Variants in GPR158 observed in about 807,000 individuals in gnomAD.
GPR158 encodes the protein G protein-coupled receptor 158, also known as metabotropic glycine receptor.
GPR158 carries 30 observed loss-of-function variants against 78.2 expected under a neutral mutation model. The observed-to-expected ratio is 0.38, with a 90% CI of 0.29 to 0.52. The LOEUF is 0.52. Among genes scored for constraint, GPR158 ranks in the 20% least tolerant of loss-of-function variants. The probability of loss-of-function intolerance (pLI) is 0.83; values close to 1 mark genes in which losing one functional copy is unlikely to be tolerated. For missense variants in GPR158, 1,463 were observed against 1,523.5 expected (o/e 0.96, Z 0.66); for synonymous variants, 581 against 591.1 (o/e 0.98, Z 0.25).
At chr10:25,333,463 T>G (rs1228666196) in intron 2 of GPR158, among the ~76,000 whole-genome samples, 1 of 152,154 alleles carries the variant, frequency 6.6e-6, no homozygotes, top group Admixed American at 6.6e-5. Context: ...ATGTGAACTT[T>G]AGAAGAGTTT....
intron 4 of GPR158, among the ~76,000 whole-genome samples, chr10:25,424,411 G>T (rs1415987624): frequency 2.6e-5 from 4 of 151,880 alleles, no homozygotes; most frequent in African/African-American, 7.3e-5. Flanking sequence ...GTCAATTTTG[G>T]CTTTTGTTGC....
chr10:25,433,809 C>T (rs957775710), intron 4 of GPR158, among the ~76,000 whole-genome samples: 1 of 147,304 alleles, frequency 6.8e-6, no homozygotes, highest in Non-Finnish European at 1.5e-5. Context: ...CTGGTTATTA[C>T]AGACCTGAGC....
intron 2 of GPR158, among the ~76,000 whole-genome samples, chr10:25,352,883 G>T (rs1264268624): frequency 6.6e-6 from 1 of 151,834 alleles, no homozygotes; most frequent in East Asian, 1.9e-4. Context: ...ATTCAGCATG[G>T]TCATTTTAAC....
At chr10:25,341,022 T>G (rs1855295900) in intron 2 of GPR158, among the ~76,000 whole-genome samples, 1 of 152,028 alleles carries the variant, frequency 6.6e-6, no homozygotes, top group Non-Finnish European at 1.5e-5. Context: ...GACTTTCTGT[T>G]AGATAGGATG....
intron 7 of GPR158, among the ~76,000 whole-genome samples, chr10:25,575,615 A>G (rs73610307): frequency 0.043 from 6,485 of 152,232 alleles, 137 homozygotes; most frequent in African/African-American, 0.06. Context: ...CCACGGAGGG[A>G]GTCAGATGAA....
At chr10:25,587,309 A>G (rs1837281458) in intron 7 of GPR158, among the ~76,000 whole-genome samples, 1 of 152,216 alleles carries the variant, frequency 6.6e-6, no homozygotes, top group Non-Finnish European at 1.5e-5. Flanking sequence ...TTTTTATTCA[A>G]AGAAACCACA....
intron 2 of GPR158, among the ~76,000 whole-genome samples, chr10:25,359,519 T>C (rs1855600318): frequency 6.6e-6 from 1 of 152,118 alleles, no homozygotes; most frequent in African/African-American, 2.4e-5. Flanking sequence ...GTGGTTTTTC[T>C]CTTCCTGTGT....
rs542349020 is a variant in GPR158 at position 25,332,844 on chromosome 10, A to G, written c.1009-63067A>G. On this transcript the variant is annotated intron_variant, in intron 2 of 10. Coordinates refer to ENST00000376351, the MANE Select transcript of GPR158 (RefSeq NM_020752.3). Reference sequence around the variant, plus strand: ...TGTTTACCACTAAGGAAAGATAGTTATTCTCCATGTTATAAATGGCTTCAA... The same window carrying G: ...TGTTTACCACTAAGGAAAGATAGTTGTTCTCCATGTTATAAATGGCTTCAA... Among the ~76,000 whole-genome samples, 12 of 152,328 alleles carry G rather than the reference A, an allele frequency of 7.9e-5. No homozygotes were observed. The South Asian group carries it at 2.5e-3, about 32-fold the overall frequency.
intron 5 of GPR158, among the ~76,000 whole-genome samples, chr10:25,548,352 G>T (rs1836690084): frequency 6.6e-6 from 1 of 152,122 alleles, no homozygotes; most frequent in African/African-American, 2.4e-5. Flanking sequence ...GATCAGAAAA[G>T]AATTTGTTGA....
Position 25,313,915 on chromosome 10 carries a change from G to C in GPR158, c.1009-81996G>C, listed in dbSNP as rs138117563. Among the ~76,000 whole-genome samples the C allele has an allele frequency of 5.4e-3, 826 of 152,202 alleles. 5 individuals carry two copies. The highest frequency in any genetic ancestry group is 0.019 in the African/African-American group (778 of 41,532). On this transcript the variant is annotated intron_variant, in intron 2 of 10. Coordinates refer to ENST00000376351, the MANE Select transcript of GPR158 (RefSeq NM_020752.3). ...ATTTAGGTAGCATTGGGATGATCCG[G>C]TCTTTAAAGGTTTGGTGTAATTATC... is the stretch of plus-strand genomic sequence containing the variant.
chr10:25,260,054 C>T (rs866394355), intron 2 of GPR158, among the ~76,000 whole-genome samples: 1 of 152,040 alleles, frequency 6.6e-6, no homozygotes, highest in Non-Finnish European at 1.5e-5. Flanking sequence ...CTGACTACAA[C>T]CTCTAGTACA....
intron 5 of GPR158, among the ~76,000 whole-genome samples, chr10:25,523,792 A>G (rs1020870570): frequency 2.0e-5 from 3 of 152,206 alleles, no homozygotes; most frequent in African/African-American, 7.2e-5. Flanking sequence ...TACAACTTCT[A>G]TTCAACATTG....
At chr10:25,576,578 GAGAT>G (rs1197773967) in intron 7 of GPR158, among the ~76,000 whole-genome samples, 3 of 152,128 alleles carry the variant, frequency 2.0e-5, no homozygotes, top group Non-Finnish European at 4.4e-5. Context: ...TGACGACCCT[GAGAT>G]AGATAGTGCA....
chr10:25,601,531 G>A lies in GPR158; in HGVS notation c.*2257G>A, dbSNP rs1837498020. Reference sequence around the variant, plus strand: ...ATCAGTGACTTTCTATTGCACTTCAGGATTGATCCTGCTAGAGATGTGAGT... The same window carrying A: ...ATCAGTGACTTTCTATTGCACTTCAAGATTGATCCTGCTAGAGATGTGAGT... On this transcript the variant is annotated 3_prime_UTR_variant, in exon 11 of 11. Transcript: ENST00000376351. The A allele has an allele frequency of 1.3e-5, 2 of 152,498 alleles. No individual in the cohort carries two copies. The highest frequency in any genetic ancestry group is 4.8e-5 in the African/African-American group (2 of 41,416). 9.4% of individuals were successfully genotyped at this position (152,498 alleles called of 1,614,324 possible). A position where few individuals can be genotyped will look rare whatever the true frequency, so the allele number is the denominator to read the frequency against.
At chr10:25,372,781 C>T (rs1204970730) in intron 2 of GPR158, among the ~76,000 whole-genome samples, 2 of 150,920 alleles carry the variant, frequency 1.3e-5, no homozygotes, top group East Asian at 3.9e-4. Flanking sequence ...GTGGGTGCAG[C>T]AAACAAGCAT....
intron 5 of GPR158, among the ~76,000 whole-genome samples, chr10:25,482,382 T>C (rs1300792507): frequency 6.6e-6 from 1 of 152,088 alleles, no homozygotes; most frequent in African/African-American, 2.4e-5. Context: ...GAAGTCTTGC[T>C]GTATTGGCCA....
intron 2 of GPR158, among the ~76,000 whole-genome samples, chr10:25,234,502 T>C (rs953418954): frequency 2.6e-5 from 4 of 152,246 alleles, no homozygotes; most frequent in Admixed American, 2.6e-4. Context: ...TTAGGATTTT[T>C]ATTTTGACTT....
intron 5 of GPR158, among the ~76,000 whole-genome samples, chr10:25,536,376 T>C (rs1311675472): frequency 2.0e-5 from 3 of 152,208 alleles, no homozygotes; most frequent in Non-Finnish European, 4.4e-5. Flanking sequence ...GTATTTTATT[T>C]TGCTCTAAAC....
At chr10:25,579,491 G>A (rs1378896399) in intron 7 of GPR158, among the ~76,000 whole-genome samples, 4 of 152,126 alleles carry the variant, frequency 2.6e-5, no homozygotes, top group Non-Finnish European at 4.4e-5. Flanking sequence ...GAGTTCATCC[G>A]TTGACATATG....
Sources: allele counts gnomAD v4.1 joint callset (sites outside exome capture counted in the v4.1 genomes callset), GRCh38; gene constraint gnomAD v4.1.1; transcripts MANE v1.5; gene names NCBI Gene and HGNC (gene_info 2026-07-23, HGNC 2026-07-21).